Variants in ASTN2 observed in about 807,000 individuals in gnomAD.
ASTN2 encodes astrotactin 2, also known as astrotactin-2.
Under a neutral mutation model 139.8 loss-of-function variants are expected in ASTN2, and 54 were observed. The ratio of observed to expected loss-of-function variants is 0.39; its 90% confidence interval spans 0.31 to 0.48. The LOEUF (loss-of-function observed/expected upper bound fraction) is 0.48, where lower values mean the gene tolerates loss of function less well. Ranked by LOEUF, ASTN2 falls within the 20% of genes least tolerant of loss-of-function variation. The pLI, the probability that ASTN2 is intolerant of heterozygous loss-of-function variation, is 0.95. For missense variants in ASTN2, 1,565 were observed against 1,725.1 expected (o/e 0.91, Z 1.64); for synonymous variants, 756 against 719.5 (o/e 1.05, Z -0.81).
chr9:116,573,676 G>A (rs1040853156), intron 19 of ASTN2, among the ~76,000 whole-genome samples: 4 of 152,100 alleles, frequency 2.6e-5, no homozygotes, highest in Admixed American at 2.0e-4. Flanking sequence ...TAATCTCTTT[G>A]GATCTTGTAC....
chr9:116,465,154 G>A (rs527403498), intron 20 of ASTN2, among the ~76,000 whole-genome samples: 1 of 152,296 alleles, frequency 6.6e-6, no homozygotes, highest in South Asian at 2.1e-4. Flanking sequence ...CCTCCACCAC[G>A]AAGGCTGCAT....
rs1202967997 is a variant in ASTN2 at position 116,424,153 on chromosome 9, A to G, written c.*1698T>C. Among the ~76,000 whole-genome samples the G allele has an allele frequency of 6.6e-6, 1 of 152,172 alleles. No homozygotes were observed. The highest frequency in any genetic ancestry group is 1.9e-4 in the East Asian group (1 of 5,180). ...ACTCATTACCCTCCCAGGGAAGGGT[A>G]CACTGGAAGCAGTGCAATTACCATT... On this transcript the variant is annotated 3_prime_UTR_variant, in exon 23 of 23. Transcript: ENST00000313400.
intron 13 of ASTN2, among the ~76,000 whole-genome samples, chr9:116,786,618 G>A (rs934100643): frequency 6.6e-6 from 1 of 152,050 alleles, no homozygotes; most frequent in African/African-American, 2.4e-5. Context: ...GGGGGATAGG[G>A]GAAAAGGATA....
chr9:116,898,137 T>C (rs146377337), intron 10 of ASTN2, among the ~76,000 whole-genome samples: 8 of 152,226 alleles, frequency 5.3e-5, no homozygotes, highest in African/African-American at 1.9e-4. Flanking sequence ...CTGGATGCAT[T>C]GGCTCGTGTC....
intron 3 of ASTN2, among the ~76,000 whole-genome samples, chr9:117,146,741 T>C (rs1485115768): frequency 2.0e-5 from 3 of 152,112 alleles, no homozygotes; most frequent in African/African-American, 7.2e-5. Flanking sequence ...TCCCACAGAT[T>C]ACCATTAAAG....
intron 6 of ASTN2, among the ~76,000 whole-genome samples, chr9:117,036,967 C>T (rs1838401121): frequency 6.6e-6 from 1 of 152,064 alleles, no homozygotes; most frequent in South Asian, 2.1e-4. Context: ...CATCATCTGC[C>T]TTAGTTTTCC....
intron 17 of ASTN2, among the ~76,000 whole-genome samples, chr9:116,621,875 T>C (rs1856174228): frequency 6.6e-6 from 1 of 152,188 alleles, no homozygotes; most frequent in East Asian, 1.9e-4. Context: ...TCCCTTGGGC[T>C]CTGATGTAGA....
intron 13 of ASTN2, among the ~76,000 whole-genome samples, chr9:116,798,976 G>C (rs1179401384): frequency 6.6e-6 from 1 of 150,788 alleles, no homozygotes; most frequent in South Asian, 2.1e-4. Context: ...AAGCCAAGTT[G>C]TTAATGGCTC....
chr9:116,785,875 A>G (rs534333104), intron 13 of ASTN2, among the ~76,000 whole-genome samples: 4 of 152,256 alleles, frequency 2.6e-5, no homozygotes, highest in African/African-American at 9.6e-5. Flanking sequence ...TTCACACCCC[A>G]GTCAGATTAT....
At chr9:116,521,392 G>T (rs1445766132) in intron 19 of ASTN2, among the ~76,000 whole-genome samples, 1 of 152,078 alleles carries the variant, frequency 6.6e-6, no homozygotes, top group Non-Finnish European at 1.5e-5. Context: ...AACATAAAGT[G>T]GGAAAAGGAC....
intron 17 of ASTN2, among the ~76,000 whole-genome samples, chr9:116,649,115 T>C (rs1362720116): frequency 2.6e-5 from 4 of 152,200 alleles, no homozygotes; most frequent in Admixed American, 1.3e-4. Context: ...TACCTTAGTT[T>C]TCCTGACTCA....
At chr9:117,370,340 G>C (rs1829955955) in intron 1 of ASTN2, among the ~76,000 whole-genome samples, 1 of 152,134 alleles carries the variant, frequency 6.6e-6, no homozygotes, top group East Asian at 1.9e-4. Flanking sequence ...CAATCACCCT[G>C]TTTCTCCCTG....
At chr9:117,165,617 A>C (rs1830653738) in intron 3 of ASTN2, among the ~76,000 whole-genome samples, 2 of 152,102 alleles carry the variant, frequency 1.3e-5, no homozygotes, top group Non-Finnish European at 2.9e-5. Flanking sequence ...CCTGAGAGTG[A>C]GGGCCACCTG....
At chr9:117,403,863 T>G (rs1445855306) in intron 1 of ASTN2, among the ~76,000 whole-genome samples, 1 of 151,954 alleles carries the variant, frequency 6.6e-6, no homozygotes, top group East Asian at 1.9e-4. Context: ...TTCCCCCAGC[T>G]CCAAGAGAAT....
intron 17 of ASTN2, among the ~76,000 whole-genome samples, chr9:116,644,648 C>T (rs1426506252): frequency 6.6e-6 from 1 of 152,094 alleles, no homozygotes; most frequent in Non-Finnish European, 1.5e-5. Context: ...GTAAAATAAA[C>T]AGGATAAGAT....
chr9:117,027,111 G>T (rs966514678), intron 6 of ASTN2, among the ~76,000 whole-genome samples: 6 of 152,162 alleles, frequency 3.9e-5, no homozygotes, highest in Non-Finnish European at 7.4e-5. Context: ...TGAAAGGACG[G>T]TGATGGCAAT....
chr9:117,321,373 C>T (rs1828316868), intron 1 of ASTN2, among the ~76,000 whole-genome samples: 1 of 152,212 alleles, frequency 6.6e-6, no homozygotes, highest in African/African-American at 2.4e-5. Context: ...CAGGGCCTCT[C>T]TCTGGCCTTC....
intron 13 of ASTN2, among the ~76,000 whole-genome samples, chr9:116,779,260 C>G (rs1393221508): frequency 6.6e-6 from 1 of 152,104 alleles, no homozygotes; most frequent in East Asian, 1.9e-4. Flanking sequence ...TAAATTCAAG[C>G]CTTTATAAGA....
chr9:116,842,834 A>T (rs899905810), intron 11 of ASTN2, among the ~76,000 whole-genome samples: 5 of 151,920 alleles, frequency 3.3e-5, no homozygotes, highest in African/African-American at 9.7e-5. Context: ...AGGGGGCCTG[A>T]GACTTCAGAG....
Sources: allele counts gnomAD v4.1 joint callset (sites outside exome capture counted in the v4.1 genomes callset), GRCh38; gene constraint gnomAD v4.1.1; transcripts MANE v1.5; gene names NCBI Gene and HGNC (gene_info 2026-07-23, HGNC 2026-07-21).